The following KCNQ3 variants were observed in gnomAD, a reference collection of about 807,000 sequenced individuals.
The protein encoded by KCNQ3 is potassium voltage-gated channel subfamily KQT member 3.
Under a neutral mutation model 92.5 loss-of-function variants are expected in KCNQ3, and 30 were observed. That is an observed-to-expected ratio of 0.32 (90% CI 0.24 to 0.44). The LOEUF (loss-of-function observed/expected upper bound fraction) is 0.44, where lower values mean the gene tolerates loss of function less well. Among genes scored for constraint, KCNQ3 ranks in the 20% least tolerant of loss-of-function variants. The pLI is 1.00. For missense variants in KCNQ3, 913 were observed against 1,140.3 expected, an observed-to-expected ratio of 0.80 and a Z score of 2.87; for synonymous variants, 450 against 468.8, an observed-to-expected ratio of 0.96 and a Z score of 0.52.
chr8:132,306,209 T>C (rs906037926), intron 1 of KCNQ3, among the ~76,000 whole-genome samples: 1 of 152,218 alleles, frequency 6.6e-6, no homozygotes, highest in Non-Finnish European at 1.5e-5. Context: ...TCTCCTTCTC[T>C]CAAATGAGTG....
At chr8:132,312,612 G>C in intron 1 of KCNQ3, among the ~76,000 whole-genome samples, 1 of 152,158 alleles carries the variant, frequency 6.6e-6, no homozygotes, top group East Asian at 1.9e-4. Context: ...ATTCCCATGT[G>C]TCAAGGGAGA....
rs955913041 is a variant in KCNQ3 at position 132,267,713 on chromosome 8, C to T, written c.387-81532G>A. On this transcript the variant is annotated intron_variant, in intron 1 of 14. Coordinates refer to ENST00000388996, the MANE Select transcript of KCNQ3 (RefSeq NM_004519.4). ...CTGAAAGGCGGATTCCCAGGCACCA[C>T]TCAAATCTCCTGAATGAAAATATTT... Among the ~76,000 whole-genome samples the T allele has an allele frequency of 1.2e-4, 18 of 152,334 alleles. 1 individual carries two copies. The highest frequency in any genetic ancestry group is 4.3e-4 in the African/African-American group (18 of 41,576).
chr8:132,314,038 C>T (rs1044420099), intron 1 of KCNQ3, among the ~76,000 whole-genome samples: 4 of 152,110 alleles, frequency 2.6e-5, no homozygotes, highest in African/African-American at 9.7e-5. Context: ...GGTAAGTTGG[C>T]TTTAAGATCC....
intron 1 of KCNQ3, among the ~76,000 whole-genome samples, chr8:132,395,427 G>A (rs1027571064): frequency 1.3e-5 from 2 of 152,102 alleles, no homozygotes; most frequent in African/African-American, 2.4e-5. Flanking sequence ...GTTCTAACAC[G>A]ACAGCAAAGA....
chr8:132,455,173 G>T (rs1164930176), intron 1 of KCNQ3, among the ~76,000 whole-genome samples: 1 of 152,178 alleles, frequency 6.6e-6, no homozygotes, highest in Non-Finnish European at 1.5e-5. Context: ...CTGGAATACA[G>T]TGGCGTGACT....
At chr8:132,149,976 G>A (rs1344912229) in intron 9 of KCNQ3, among the ~76,000 whole-genome samples, 1 of 152,068 alleles carries the variant, frequency 6.6e-6, no homozygotes, top group Non-Finnish European at 1.5e-5. Context: ...TCTTCCCCCA[G>A]TCATCCTTTT....
Position 132,143,130 on chromosome 8 carries a change from C to T in KCNQ3, c.1263-1799G>A, listed in dbSNP as rs935261607. On this transcript the variant is annotated intron_variant, in intron 9 of 14. Coordinates refer to ENST00000388996, the MANE Select transcript of KCNQ3 (RefSeq NM_004519.4). ...TCTGGATCTGTTCTCTCTCACCCAG[C>T]ACTGTTCCAGCAGTTTGATTGAGGA... Among the ~76,000 whole-genome samples, 3 of 152,332 alleles carry T rather than the reference C, an allele frequency of 2.0e-5. No individual in the cohort carries two copies. In the East Asian group the frequency reaches 5.8e-4, roughly 29 times the overall value.
intron 1 of KCNQ3, among the ~76,000 whole-genome samples, chr8:132,390,641 T>C (rs1054053305): frequency 1.3e-5 from 2 of 151,922 alleles, no homozygotes; most frequent in Admixed American, 6.6e-5. Flanking sequence ...GCTCAGGTTC[T>C]CCAGTCTCCA....
At chr8:132,435,487 C>T (rs1282501168) in intron 1 of KCNQ3, among the ~76,000 whole-genome samples, 1 of 152,142 alleles carries the variant, frequency 6.6e-6, no homozygotes, top group Non-Finnish European at 1.5e-5. Context: ...TCTGTGCGAC[C>T]TTAACCTCTG....
chr8:132,450,267 T>C (rs1201014256), intron 1 of KCNQ3, among the ~76,000 whole-genome samples: 1 of 151,874 alleles, frequency 6.6e-6, no homozygotes, highest in Admixed American at 6.6e-5. Flanking sequence ...TTACAGAGTG[T>C]TGATTGGCCT....
chr8:132,342,219 CT>C (rs556176200), intron 1 of KCNQ3, among the ~76,000 whole-genome samples: 2 of 150,288 alleles, frequency 1.3e-5, no homozygotes, highest in South Asian at 4.4e-4. Flanking sequence ...ATGACCCTCT[CT>C]CTTTCTTTCA....
At chr8:132,412,464 C>A (rs1358595995) in intron 1 of KCNQ3, among the ~76,000 whole-genome samples, 2 of 152,198 alleles carry the variant, frequency 1.3e-5, no homozygotes, top group African/African-American at 4.8e-5. Context: ...TGCGACACCT[C>A]CAACCAGGAT....
chr8:132,162,723 G>A (rs920385028), intron 9 of KCNQ3, among the ~76,000 whole-genome samples: 2 of 152,126 alleles, frequency 1.3e-5, no homozygotes, highest in African/African-American at 4.8e-5. Flanking sequence ...GTGTGGATAG[G>A]GCTTCATGGA....
chr8:132,335,108 T>C (rs1232041910), intron 1 of KCNQ3, among the ~76,000 whole-genome samples: 2 of 152,008 alleles, frequency 1.3e-5, no homozygotes, highest in South Asian at 2.1e-4. Flanking sequence ...TGGTGTGATC[T>C]CAGCTCACTG....
At chr8:132,469,239 A>C (rs757952163) in intron 1 of KCNQ3, among the ~76,000 whole-genome samples, 10 of 152,220 alleles carry the variant, frequency 6.6e-5, no homozygotes, top group Non-Finnish European at 2.9e-5. Flanking sequence ...ATGCAACATA[A>C]ACAGAAATGT....
intron 1 of KCNQ3, among the ~76,000 whole-genome samples, chr8:132,383,285 G>A (rs1819800854): frequency 6.6e-6 from 1 of 152,228 alleles, no homozygotes; most frequent in African/African-American, 2.4e-5. Flanking sequence ...CAGGGCCTGA[G>A]AAATCAGACA....
chr8:132,345,914 G>A (rs1818673996), intron 1 of KCNQ3, among the ~76,000 whole-genome samples: 1 of 151,464 alleles, frequency 6.6e-6, no homozygotes, highest in Non-Finnish European at 1.5e-5. Context: ...ATGACTTAAT[G>A]GTAATAACGT....
intron 1 of KCNQ3, among the ~76,000 whole-genome samples, chr8:132,345,175 T>C (rs1055640642): frequency 2.6e-5 from 4 of 152,152 alleles, no homozygotes; most frequent in African/African-American, 9.7e-5. Flanking sequence ...GATTCACAAG[T>C]CAGAAATTAA....
intron 1 of KCNQ3, among the ~76,000 whole-genome samples, chr8:132,367,271 A>G (rs777930310): frequency 1.3e-5 from 2 of 152,110 alleles, no homozygotes; most frequent in South Asian, 4.1e-4. Context: ...TTCCTTCTTC[A>G]ATAAGATTAT....
Sources: gnomAD v4.1 joint callset for allele counts (sites outside exome capture counted in the v4.1 genomes callset) on GRCh38, gnomAD v4.1.1 for gene constraint, MANE v1.5 for transcripts, NCBI Gene and HGNC (gene_info 2026-07-23, HGNC 2026-07-21) for gene names.